Variants in HR observed in about 807,000 individuals in gnomAD.
HR encodes HR lysine demethylase and nuclear receptor corepressor.
Under a neutral mutation model 128.6 loss-of-function variants are expected in HR, and 83 were observed. That is an observed-to-expected ratio of 0.65 (90% confidence interval 0.54 to 0.77). HR has a LOEUF of 0.77. Ranked by LOEUF, HR falls within the 30% of genes least tolerant of loss-of-function variation. HR has a pLI of 0.00. For missense variants in HR, 1,490 were observed against 1,574.6 expected, an observed-to-expected ratio of 0.95 and a Z score of 0.91; for synonymous variants, 681 against 658.2, an observed-to-expected ratio of 1.03 and a Z score of -0.53.
rs1361436121 is a variant in HR, at chr8:22,115,180, G to A, written c.*520C>T. 1 of 187,644 alleles carries A rather than the reference G, an allele frequency of 5.3e-6. No individual in the cohort carries two copies. The highest frequency in any genetic ancestry group is 1.1e-5 in the Non-Finnish European group (1 of 90,174). 11.6% of individuals were successfully genotyped at this position (187,644 alleles called of 1,614,324 possible). ...CCTCCGCCAAGCCTGAGCAGCTCCT[G>A]ATGCCACCCTCTCCTCACACTCCCC... On this transcript the variant is annotated 3_prime_UTR_variant, in exon 19 of 19. Coordinates refer to ENST00000381418, the MANE Select transcript of HR (RefSeq NM_005144.5).
chr8:22,127,464 G>C lies in HR; in HGVS notation c.978C>G (p.Cys326Trp), dbSNP rs774251212. 6.2e-7 allele frequency: 1 copy of C among 1,610,918 alleles called. No homozygotes were observed. ...CTTTAGTGGGTGGGTAGGATGAACA[G>C]CAGCCCCGCTGGGTGACAGGCGGCT... The part of the protein sequence containing the change: ...SPEPPVTQRG[C>W]CSSYPPTKGG... Residue 326 changes from cysteine to tryptophan, a missense_variant, in exon 3 of 19, where the codon TGC (cysteine) becomes TGG (tryptophan). Cys to Trp is a radical substitution (Grantham distance 215). Around this residue, in one of 3 missense-constraint regions of HR, gnomAD observed 1,060 missense variants for 1,060.9 expected, o/e 1.00. Coordinates refer to ENST00000381418, the MANE Select transcript of HR (RefSeq NM_005144.5).
chr8:22,119,230 C>T lies in HR; in HGVS notation c.3031G>A (p.Ala1011Thr), dbSNP rs1443776674. 4 of 1,613,852 alleles carry T rather than the reference C, an allele frequency of 2.5e-6. No individual in the cohort carries two copies. Among genetic ancestry groups the T allele is most frequent in the Non-Finnish European group, 3.4e-6 (4 of 1,180,020 alleles). The change falls in exon 15 of 19, where the codon GCC (alanine) becomes ACC (threonine). Residue 1011 changes from alanine to threonine, a missense_variant. This residue lies in a region of HR where 423 missense variants were observed against 495.9 expected (regional missense o/e 0.85). Transcript: ENST00000381418. ...TGCACCAGGATGCTGACCAGGTCGG[C>T]CACCTCCACACAGAGGTTCTTGGTC... is the stretch of plus-strand genomic sequence containing the variant. The part of the protein sequence containing the change: ...LGTKNLCVEV[A>T]DLVSILVHAD...
At chr8:22,126,961 A>G in intron 3 of HR, 76 bp downstream of exon 3, 1 of 1,455,108 alleles carries the variant, frequency 6.9e-7, no homozygotes, top group Non-Finnish European at 9.4e-7. Context: ...AAGCCTACAG[A>G]CCCCGCCCCA....
rs1411424036 is a variant in HR, at chr8:22,127,241, C to T, written c.1201G>A (p.Glu401Lys). The change falls in exon 3 of 19, where the codon GAG becomes AAG. Residue 401 changes from glutamate to lysine, a missense_variant. Physicochemically the swap from Glu to Lys is moderately conservative, Grantham distance 56. Coordinates refer to ENST00000381418, the MANE Select transcript of HR (RefSeq NM_005144.5). ...CGGAGCCGAGCAACCGGCCTCTCCT[C>T]GACCTCAGGGCAGCCGCGTGGACAT... ...FECPRGCPEV[E>K]ERPVARLRAL... 9.3e-6 allele frequency: 15 copies of T among 1,612,990 alleles called. No homozygotes were observed. Among genetic ancestry groups the T allele is most frequent in the South Asian group, 2.2e-5 (2 of 91,094 alleles).
intron 2 of HR, 55 bp downstream of exon 2, chr8:22,128,503 AC>A: frequency 1.2e-6 from 2 of 1,607,124 alleles, no homozygotes; most frequent in Non-Finnish European, 1.7e-6. Context: ...CTTGGGGACC[AC>A]CGAGCAACTT....
chr8:22,129,810 T>G (rs1197130946), intron 1 of HR, among the ~76,000 whole-genome samples: 1 of 150,408 alleles, frequency 6.6e-6, no homozygotes, highest in Non-Finnish European at 1.5e-5. Flanking sequence ...GCTGTGTCTC[T>G]CTCTACACCT....
At chr8:22,122,440 G>C in intron 8 of HR, 53 bp downstream of exon 8, 2 of 1,316,394 alleles carry the variant, frequency 1.5e-6, no homozygotes, top group Non-Finnish European at 2.1e-6. Flanking sequence ...CCCCTGCAAA[G>C]GTCAGCCATT....
intron 3 of HR, 131 bp downstream of exon 3, chr8:22,126,906 C>A (rs921303277): frequency 3.4e-6 from 3 of 873,692 alleles, no homozygotes; most frequent in East Asian, 2.6e-5. Flanking sequence ...AGAGAGCCCT[C>A]GTGATCCAGG....
At position 22,116,730 on chromosome 8, in the gene HR, C is replaced by G; in HGVS notation, c.3378+145G>C. The G allele has an allele frequency of 8.2e-7, 1 of 1,226,438 alleles. No individual in the cohort carries two copies. The highest frequency in any genetic ancestry group is 1.2e-6 in the Non-Finnish European group (1 of 866,574). The allele number at this position is 1,226,438 out of a possible 1,614,324, so 76.0% of individuals were successfully genotyped here. A position where few individuals can be genotyped will look rare whatever the true frequency, so the allele number is the denominator to read the frequency against. On this transcript the variant is annotated intron_variant, in intron 17 of 18. Coordinates refer to ENST00000381418, the MANE Select transcript of HR (RefSeq NM_005144.5). This position sits in a 1 kb window ranked among gnomAD's most constrained non-coding sequence, Gnocchi z 4.2. Reference sequence around the variant, plus strand: ...GTGACTTCAAGGCCTCTTGGCTCCCCCGTTATCTCTTCCCCACAGCAGCGT... The same window carrying G: ...GTGACTTCAAGGCCTCTTGGCTCCCGCGTTATCTCTTCCCCACAGCAGCGT...
At position 22,119,805 on chromosome 8, in the gene HR, C is replaced by T; in HGVS notation, c.2932G>A (p.Gly978Ser). 6.2e-7 allele frequency: 1 copy of T among 1,613,640 alleles called. No individual in the cohort carries two copies. The highest frequency in any genetic ancestry group is 8.5e-7 in the Non-Finnish European group (1 of 1,179,926). ...KLNLASYLPP[G>S]LALRPLEPQL... ...GGCTCCAGTGGACGCAGGGCAAGGC[C>T]CGGTGGGAGGTAGGAAGCCAGGTTG... Residue 978 changes from glycine (G) to serine (S), a missense_variant, in exon 14 of 19, where the codon GGC (glycine) becomes AGC (serine). Gly to Ser is a moderately conservative substitution (Grantham distance 56). This residue lies in a region of HR where 423 missense variants were observed against 495.9 expected (regional missense o/e 0.85). Transcript: ENST00000381418.
In HR at chr8:22,125,349, C is replaced by T. The variant is rs200452606; in HGVS notation, c.1712G>A (p.Arg571Gln). The change falls in exon 5 of 19, where the codon CGG becomes CAG. Residue 571 changes from arginine (R) to glutamine (Q), a missense_variant. By Grantham distance (43) the Arg-to-Gln change is conservative. Around this residue, in one of 3 missense-constraint regions of HR, gnomAD observed 1,060 missense variants for 1,060.9 expected, o/e 1.00. Coordinates refer to ENST00000381418, the MANE Select transcript of HR (RefSeq NM_005144.5). ...GLGDRLCRLLRREREALAWAQ... is the reference protein window; with the variant it reads ...GLGDRLCRLLQREREALAWAQ... Reference sequence around the variant, plus strand: ...CCAAGCCAGGGCCTCCCGCTCCCTCCGCAGCAGGCGGCACAGTCGGTCCCC... The same window carrying T: ...CCAAGCCAGGGCCTCCCGCTCCCTCTGCAGCAGGCGGCACAGTCGGTCCCC... 1.2e-4 allele frequency: 187 copies of T among 1,600,786 alleles called. No homozygotes were observed. The highest frequency in any genetic ancestry group is 1.5e-4 in the Non-Finnish European group (174 of 1,174,614).
Position 22,125,708 on chromosome 8 carries a change from A to G in HR, c.1430T>C (p.Leu477Pro). 6.2e-7 allele frequency: 1 copy of G among 1,613,940 alleles called. No individual in the cohort carries two copies. Among genetic ancestry groups the G allele is most frequent in the African/African-American group, 1.3e-5 (1 of 75,056 alleles). ...TATGTCCTGAAGTCCCGGGTCCTGG[A>G]GACTGGCCTGGCCATCTTGGGGTCC... ...QKGPQDGQAS[L>P]QDPGLQDIPC... is the part of the protein sequence containing the mutation. The change falls in exon 4 of 19, where the codon CTC becomes CCC. Residue 477 changes from leucine (L) to proline (P), a missense_variant. Leu to Pro is a moderately conservative substitution (Grantham distance 98, BLOSUM62 -3). Around this residue, in one of 3 missense-constraint regions of HR, gnomAD observed 1,060 missense variants for 1,060.9 expected, o/e 1.00. Transcript: ENST00000381418.
Position 22,128,747 on chromosome 8 carries a change from G to A in HR, c.424C>T (p.His142Tyr). The A allele has an allele frequency of 6.3e-7, 1 of 1,597,686 alleles. No homozygotes were observed. The highest frequency in any genetic ancestry group is 8.5e-7 in the Non-Finnish European group (1 of 1,172,500). ...KSDPVAFRPWHCPFLLETKIL... is the reference protein window; with the variant it reads ...KSDPVAFRPWYCPFLLETKIL... ...TTGGTCTCCAGAAGGAAAGGGCAGT[G>A]CCAGGGCCGGAAGGCCACAGGGTCA... The change falls in exon 2 of 19, where the codon CAC becomes TAC. Residue 142 changes from histidine (H) to tyrosine (Y), a missense_variant. Physicochemically the swap from His to Tyr is moderately conservative, Grantham distance 83 (BLOSUM62 2). Coordinates refer to ENST00000381418, the MANE Select transcript of HR (RefSeq NM_005144.5).
In HR at chr8:22,120,704, G is replaced by A; in HGVS notation, c.2610+12C>T. The A allele has an allele frequency of 6.7e-7, 1 of 1,502,088 alleles. No homozygotes were observed. 93.0% of individuals were successfully genotyped at this position (1,502,088 alleles called of 1,614,324 possible). A position where few individuals can be genotyped will look rare whatever the true frequency, so the allele number is the denominator to read the frequency against. On this transcript the variant is annotated intron_variant, in intron 11 of 18. Coordinates refer to ENST00000381418, the MANE Select transcript of HR (RefSeq NM_005144.5). ...TGGCCAGGGCCGGGAGGGGAGGGGA[G>A]GGGTGCCTCACCTGGCCCTGCCTCC...
chr8:22,118,817 G>A (rs921624467), intron 16 of HR, 133 bp downstream of exon 16: 37 of 727,276 alleles, frequency 5.1e-5, no homozygotes, highest in Non-Finnish European at 7.5e-5. Context: ...CTGTCTGTGC[G>A]AGTTGGGTCT....
At position 22,123,720 on chromosome 8, in the gene HR, G is replaced by A. The variant is rs1481117065; in HGVS notation, c.1844C>T (p.Pro615Leu). The change falls in exon 6 of 19, where the codon CCC (proline) becomes CTC (leucine). Residue 615 changes from proline to leucine, a missense_variant. By Grantham distance (98) the Pro-to-Leu change is moderately conservative. Around this residue, in one of 3 missense-constraint regions of HR, gnomAD observed 1,060 missense variants for 1,060.9 expected, o/e 1.00. Transcript: ENST00000381418. ...CACACACAGCCGGTGGCTGCAGCGG[G>A]GACATCGCCAGTGGGTGTTGAAGAG... Reference protein sequence around the residue: ...HGLFNTHWRCPRCSHRLCVAC... With the variant: ...HGLFNTHWRCLRCSHRLCVAC... 1.9e-6 allele frequency: 3 copies of A among 1,584,172 alleles called. No individual in the cohort carries two copies. Among genetic ancestry groups the A allele is most frequent in the Admixed American group, 1.7e-5 (1 of 57,272 alleles).
At position 22,120,819 on chromosome 8, in the gene HR, C is replaced by T. The variant is rs201739936; in HGVS notation, c.2507G>A (p.Arg836Gln). The T allele has an allele frequency of 4.0e-5, 62 of 1,548,504 alleles. No individual in the cohort carries two copies. Among genetic ancestry groups the T allele is most frequent in the East Asian group, 1.7e-4 (7 of 40,984 alleles). Residue 836 changes from arginine to glutamine, a missense_variant, in exon 11 of 19, where the codon CGG (arginine) becomes CAG (glutamine). Around this residue, in one of 3 missense-constraint regions of HR, gnomAD observed 423 missense variants for 495.9 expected, o/e 0.85. Transcript: ENST00000381418. The part of the protein sequence containing the change: ...KGLGLPLSPV[R>Q]PRLPPPGALL... ...AGCCCCTGGGGGAGGCAGCCGGGGC[C>T]GCACTGGAGAGAGGGGCAGGCCCAG...
intron 6 of HR, among the ~76,000 whole-genome samples, 158 bp from the exon 7 acceptor site, chr8:22,123,037 C>T (rs898934229): frequency 2.6e-5 from 4 of 152,336 alleles, no homozygotes; most frequent in Admixed American, 1.3e-4. Flanking sequence ...ACACAGCATT[C>T]TTTGCTTGTA....
In HR at chr8:22,127,592, G is replaced by A. The variant is rs765356076; in HGVS notation, c.850C>T (p.Pro284Ser). Reference protein sequence around the residue: ...VPWTSWPACPPGLVHTLGNVW... With the variant: ...VPWTSWPACPSGLVHTLGNVW... ...TTGCCAAGAGTATGAACAAGGCCTG[G>A]GGGACAAGCGGGCCAGGAGGTCCAG... Residue 284 changes from proline (P) to serine (S), a missense_variant, in exon 3 of 19, where the codon CCA becomes TCA. By Grantham distance (74) the Pro-to-Ser change is moderately conservative. Coordinates refer to ENST00000381418, the MANE Select transcript of HR (RefSeq NM_005144.5). The A allele has an allele frequency of 5.0e-6, 8 of 1,611,938 alleles. No individual in the cohort carries two copies. The South Asian group carries it at 8.8e-5, about 18-fold the overall frequency.
Sources: gnomAD v4.1 joint callset for allele counts (sites outside exome capture counted in the v4.1 genomes callset) on GRCh38, gnomAD v4.1.1 for gene constraint, gnomAD v4.1.1 regional missense constraint, Gnocchi (gnomAD v3.1) non-coding constraint, MANE v1.5 for transcripts, NCBI Gene and HGNC (gene_info 2026-07-23, HGNC 2026-07-21) for gene names.